DERA: variants seen among roughly 807,000 people sequenced by gnomAD.
DERA encodes the protein deoxyribose-phosphate aldolase, also known as 2-deoxy-D-ribose 5-phosphate aldolase.
In DERA, 15 loss-of-function variants were observed where a neutral mutation model predicts 41.1. That is an observed-to-expected ratio of 0.37 (90% CI 0.24 to 0.56). The LOEUF (loss-of-function observed/expected upper bound fraction) is 0.56, where lower values mean the gene tolerates loss of function less well. Among genes scored for constraint, DERA ranks in the 20% least tolerant of loss-of-function variants. The pLI is 0.81. For missense variants in DERA, 396 were observed against 403.4 expected (o/e 0.98, Z 0.16); for synonymous variants, 139 against 137.4 (o/e 1.01, Z -0.08).
rs567601644 is a variant in DERA at position 15,994,354 on chromosome 12, A to G, written c.637+11918A>G. Among the ~76,000 whole-genome samples the G allele has an allele frequency of 1.8e-4, 28 of 152,352 alleles. No individual in the cohort carries two copies. Among genetic ancestry groups the G allele is most frequent in the African/African-American group, 2.9e-4 (12 of 41,584 alleles). On this transcript the variant is annotated intron_variant, in intron 6 of 8. Transcript: ENST00000428559. This position sits in a 1 kb window ranked among gnomAD's most constrained non-coding sequence, Gnocchi z 4.8. ...TGACATAGAGGCTAGACCTGTGTTC[A>G]TGTGTCTGAGATTCTGTTATTCCTT...
chr12:15,987,795 C>T (rs1268472539), intron 6 of DERA, among the ~76,000 whole-genome samples: 1 of 152,040 alleles, frequency 6.6e-6, no homozygotes, highest in Non-Finnish European at 1.5e-5. Flanking sequence ...GAGTTTTGCT[C>T]CTGGTTGCTG....
Position 15,931,910 on chromosome 12 carries a change from C to T in DERA, c.31+20496C>T, listed in dbSNP as rs1948330838. Among the ~76,000 whole-genome samples the T allele has an allele frequency of 6.6e-6, 1 of 152,038 alleles. No individual in the cohort carries two copies. The highest frequency in any genetic ancestry group is 6.5e-5 in the Admixed American group (1 of 15,272). On this transcript the variant is annotated intron_variant, in intron 1 of 8. Transcript: ENST00000428559. This position sits in a 1 kb window ranked among gnomAD's most constrained non-coding sequence, Gnocchi z 4.6. ...ATCTTGTGAGTTTTTTTGCACATAC[C>T]TGCTACCTTTCACGTGTCCGCTTCC...
At chr12:15,944,362 C>G (rs1206676105) in intron 1 of DERA, among the ~76,000 whole-genome samples, 1 of 152,154 alleles carries the variant, frequency 6.6e-6, no homozygotes, top group Non-Finnish European at 1.5e-5. Flanking sequence ...AAAAGTGTTC[C>G]TATTTCTCCA....
chr12:15,935,956 G>A lies in DERA; in HGVS notation c.32-20980G>A, dbSNP rs538267505. On this transcript the variant is annotated intron_variant, in intron 1 of 8. Transcript: ENST00000428559. The surrounding 1 kb of genome is among the most constrained non-coding windows in gnomAD (Gnocchi z 4.8). ...TGATTCCAAAGTGGCTCACCCATAT[G>A]GTTGGCAGCTTAGTGCTGACACCTG... Among the ~76,000 whole-genome samples, 1 of 152,306 alleles carries A rather than the reference G, an allele frequency of 6.6e-6. No homozygotes were observed. Among genetic ancestry groups the A allele is most frequent in the South Asian group, 2.1e-4 (1 of 4,828 alleles).
rs1413653747 is a variant in DERA, at chr12:15,959,875, T to C, written c.324T>C (p.Asp108=). The C allele has an allele frequency of 1.9e-5, 29 of 1,551,898 alleles. No homozygotes were observed. Among genetic ancestry groups the C allele is most frequent in the Non-Finnish European group, 2.4e-5 (28 of 1,146,200 alleles). ...GTGTTTATCCCGCCCGGGTGTGTGA[T>C]GCTGTAAAAGCACTCAAGGCTGCAG... The part of the protein sequence containing the change: ...AVCVYPARVC[D]AVKALKAAGC... Residue 108 remains aspartate, a synonymous_variant, in exon 4 of 9, where the codon GAT becomes GAC. Transcript: ENST00000428559. This position sits in a 1 kb window ranked among gnomAD's most constrained non-coding sequence, Gnocchi z 4.5.
Position 15,976,644 on chromosome 12 carries a change from A to T in DERA, c.509-5664A>T, listed in dbSNP as rs1948699244. On this transcript the variant is annotated intron_variant, in intron 5 of 8. Transcript: ENST00000428559. This position sits in a 1 kb window ranked among gnomAD's most constrained non-coding sequence, Gnocchi z 4.1. ...TATAACAGCTTAAACTTTTAGAGTAAGTCAACGTTTACCATCATTTTACGT... is the reference window on the plus strand; with the variant it reads ...TATAACAGCTTAAACTTTTAGAGTATGTCAACGTTTACCATCATTTTACGT... Among the ~76,000 whole-genome samples the T allele has an allele frequency of 6.6e-6, 1 of 152,252 alleles. No individual in the cohort carries two copies. Among genetic ancestry groups the T allele is most frequent in the African/African-American group, 2.4e-5 (1 of 41,462 alleles).
At chr12:15,923,171 C>T (rs1199286680) in intron 1 of DERA, among the ~76,000 whole-genome samples, 2 of 150,578 alleles carry the variant, frequency 1.3e-5, no homozygotes, top group African/African-American at 2.4e-5. Context: ...TACAGGCGCC[C>T]GCCACTACGC....
chr12:15,973,705 G>C (rs1948679243), intron 5 of DERA, among the ~76,000 whole-genome samples: 1 of 151,938 alleles, frequency 6.6e-6, no homozygotes, highest in South Asian at 2.1e-4. Flanking sequence ...ATATTGTGCA[G>C]CCATTAATAA....
At position 16,022,156 on chromosome 12, in the gene DERA, T is replaced by A. The variant is rs559594978; in HGVS notation, c.638-10386T>A. On this transcript the variant is annotated intron_variant, in intron 6 of 8. Coordinates refer to ENST00000428559, the MANE Select transcript of DERA (RefSeq NM_015954.4). Reference sequence around the variant, plus strand: ...AAGGTGTTTGGATCATGGTAGTAGATCCCTCATGAATGTCTTAGCACCATC... The same window carrying A: ...AAGGTGTTTGGATCATGGTAGTAGAACCCTCATGAATGTCTTAGCACCATC... 3.3e-5 allele frequency among the ~76,000 whole-genome samples: 5 copies of A among 152,232 alleles called. 1 individual carries two copies. The South Asian group carries it at 1.0e-3, about 32-fold the overall frequency.
chr12:15,927,679 G>A (rs1000659577), intron 1 of DERA, among the ~76,000 whole-genome samples: 2 of 152,102 alleles, frequency 1.3e-5, no homozygotes, highest in African/African-American at 4.8e-5. Flanking sequence ...GGTGAGCCAG[G>A]AATTAGCTGT....
chr12:15,949,499 G>A (rs374135281), intron 1 of DERA, among the ~76,000 whole-genome samples: 4 of 152,052 alleles, frequency 2.6e-5, no homozygotes, highest in African/African-American at 4.8e-5. Context: ...CCTCTGAGCC[G>A]GGCGTGGGAT....
chr12:15,959,982 C>A lies in DERA; in HGVS notation c.373+58C>A. On this transcript the variant is annotated intron_variant, in intron 4 of 8. Transcript: ENST00000428559. This position sits in a 1 kb window ranked among gnomAD's most constrained non-coding sequence, Gnocchi z 4.5. ...TTAAACATGTTTCCAGTTCTTCATACAATGGGGTATTATATGTAGGTTTGT... is the reference window on the plus strand; with the variant it reads ...TTAAACATGTTTCCAGTTCTTCATAAAATGGGGTATTATATGTAGGTTTGT... The A allele has an allele frequency of 8.0e-7, 1 of 1,251,108 alleles. No homozygotes were observed. Among genetic ancestry groups the A allele is most frequent in the Non-Finnish European group, 1.1e-6 (1 of 881,162 alleles). 77.5% of individuals were successfully genotyped at this position (1,251,108 alleles called of 1,614,324 possible).
intron 6 of DERA, among the ~76,000 whole-genome samples, chr12:16,023,867 C>A (rs947352196): frequency 2.6e-5 from 4 of 152,216 alleles, no homozygotes; most frequent in African/African-American, 9.6e-5. Flanking sequence ...TTTAAAATAA[C>A]TATGACTAGT....
In DERA at chr12:15,918,947, C is replaced by T. The variant is rs1948221664; in HGVS notation, c.31+7533C>T. Among the ~76,000 whole-genome samples the T allele has an allele frequency of 6.6e-6, 1 of 151,870 alleles. No homozygotes were observed. Among genetic ancestry groups the T allele is most frequent in the African/African-American group, 2.4e-5 (1 of 41,272 alleles). ...TATCTAGTGTAATCTTCTCATTATA[C>T]TATAATGGCTAAGAGTAATGTTTTC... On this transcript the variant is annotated intron_variant, in intron 1 of 8. Transcript: ENST00000428559. The surrounding 1 kb of genome is among the most constrained non-coding windows in gnomAD (Gnocchi z 4.3).
At chr12:15,930,961 A>G (rs965837432) in intron 1 of DERA, among the ~76,000 whole-genome samples, 7 of 152,192 alleles carry the variant, frequency 4.6e-5, no homozygotes, top group African/African-American at 1.7e-4. Context: ...TTCAGGAAAA[A>G]TAGGTACAGA....
rs1051236652 is a variant in DERA, at chr12:16,004,497, G to GA, written c.637+22068dup. On this transcript the variant is annotated intron_variant, in intron 6 of 8. Coordinates refer to ENST00000428559, the MANE Select transcript of DERA (RefSeq NM_015954.4). This position sits in a 1 kb window ranked among gnomAD's most constrained non-coding sequence, Gnocchi z 4.2. ...AATTCTTAATTTTTCTTAGTACATT[G>GA]AAAAAAATTAAAGCTAGTAAGGAAA... Among the ~76,000 whole-genome samples, 1 of 151,884 alleles carries GA rather than the reference G, an allele frequency of 6.6e-6. No individual in the cohort carries two copies. Among genetic ancestry groups the GA allele is most frequent in the East Asian group, 1.9e-4 (1 of 5,190 alleles).
rs1278285029 is a variant in DERA, at chr12:15,984,351, G to A, written c.637+1915G>A. On this transcript the variant is annotated intron_variant, in intron 6 of 8. Transcript: ENST00000428559. The surrounding 1 kb of genome is among the most constrained non-coding windows in gnomAD (Gnocchi z 4.5). ...CTGTGTCCCACCCTCCACCCATCCT[G>A]TCCACAGAAAAAAATGTGATTATAA... Among the ~76,000 whole-genome samples the A allele has an allele frequency of 6.6e-6, 1 of 152,028 alleles. No homozygotes were observed. Among genetic ancestry groups the A allele is most frequent in the Non-Finnish European group, 1.5e-5 (1 of 68,008 alleles).
At chr12:15,929,738 A>G (rs1296667500) in intron 1 of DERA, among the ~76,000 whole-genome samples, 1 of 152,240 alleles carries the variant, frequency 6.6e-6, no homozygotes, top group Non-Finnish European at 1.5e-5. Context: ...CAGTATGTAC[A>G]TATACAGTAG....
At chr12:15,978,979 G>A (rs992675802) in intron 5 of DERA, among the ~76,000 whole-genome samples, 2 of 152,184 alleles carry the variant, frequency 1.3e-5, no homozygotes, top group Non-Finnish European at 2.9e-5. Context: ...AGGAACATGG[G>A]ACAGGTTTAG....
Sources: allele counts gnomAD v4.1 joint callset (sites outside exome capture counted in the v4.1 genomes callset), GRCh38; gene constraint gnomAD v4.1.1; non-coding constraint Gnocchi (gnomAD v3.1); transcripts MANE v1.5; gene names NCBI Gene and HGNC (gene_info 2026-07-23, HGNC 2026-07-21).